COL5A3: variants seen among roughly 807,000 people sequenced by gnomAD.
COL5A3 encodes the protein collagen alpha-3(V) chain.
A neutral mutation model predicts 250.0 loss-of-function variants in COL5A3; 172 were observed. The ratio of observed to expected loss-of-function variants is 0.69; its 90% CI spans 0.61 to 0.78. The LOEUF is 0.78. COL5A3 is among the 30% of genes least tolerant of loss of function. The pLI, the probability that COL5A3 is intolerant of heterozygous loss-of-function variation, is 0.00. For synonymous variants in COL5A3, 937 were observed against 900.4 expected, an observed-to-expected ratio of 1.04 and a Z score of -0.73; for missense variants, 2,340 against 2,334.4, an observed-to-expected ratio of 1.00 and a Z score of -0.05.
chr19:9,992,745 C>A, intron 21 of COL5A3, 82 bp downstream of exon 21: 1 of 1,438,934 alleles, frequency 6.9e-7, no homozygotes, highest in Non-Finnish European at 9.7e-7. Flanking sequence ...CCACCGCACT[C>A]CAGCCTGGGC....
chr19:9,988,022 G>A (rs1177914736), intron 27 of COL5A3, among the ~76,000 whole-genome samples: 1 of 151,998 alleles, frequency 6.6e-6, no homozygotes. Flanking sequence ...ATCACCTGAG[G>A]TCAGGCGTTC....
At chr19:9,995,535 G>T in intron 16 of COL5A3, 29 bp downstream of exon 16, 3 of 1,597,566 alleles carry the variant, frequency 1.9e-6, no homozygotes, top group Middle Eastern at 1.7e-4. Flanking sequence ...ATGGATAAGG[G>T]GTGGTCTGGG....
At position 10,006,453 on chromosome 19, in the gene COL5A3, G is replaced by GT. The variant is rs35938123; in HGVS notation, c.89-223dup. On this transcript the variant is annotated intron_variant, in intron 1 of 66. Transcript: ENST00000264828. ...CCGACCTCAGCAGCTTGTTGACTCT[G>GT]TTTTTTTTTTTCCCCTTGGTTTTTG... 2.9e-3 allele frequency among the ~76,000 whole-genome samples: 434 copies of GT among 149,282 alleles called. 2 individuals are homozygous for GT. Among genetic ancestry groups the GT allele is most frequent in the South Asian group, 0.012 (58 of 4,746 alleles).
chr19:9,981,253 C>G (rs1385680480), intron 32 of COL5A3, 121 bp from the exon 33 acceptor site: 1 of 851,378 alleles, frequency 1.2e-6, no homozygotes, highest in South Asian at 1.4e-5. Context: ...TATTCACAAG[C>G]TTTTCAGTCA....
chr19:9,983,072 G>T (rs569696063), intron 31 of COL5A3, among the ~76,000 whole-genome samples: 8 of 151,996 alleles, frequency 5.3e-5, no homozygotes, highest in African/African-American at 1.9e-4. Flanking sequence ...TGTTGCCCAG[G>T]CTGGTCTTGA....
In COL5A3 at chr19:9,969,542, C is replaced by T. The variant is rs373726357; in HGVS notation, c.4098+33G>A. 36 of 1,603,974 alleles carry T rather than the reference C, an allele frequency of 2.2e-5. No homozygotes were observed. In the Middle Eastern group the frequency reaches 6.6e-4, roughly 29 times the overall value. ...GGAGCAGACAGAGAGGAGCTGGATCCACCCTGTCCCACCCCTGCCCCGCTC... is the reference window on the plus strand; with the variant it reads ...GGAGCAGACAGAGAGGAGCTGGATCTACCCTGTCCCACCCCTGCCCCGCTC... On this transcript the variant is annotated intron_variant, in intron 56 of 66. Coordinates refer to ENST00000264828, the MANE Select transcript of COL5A3 (RefSeq NM_015719.4).
chr19:9,997,222 G>A (rs969639529), intron 11 of COL5A3, 149 bp downstream of exon 11: 23 of 698,040 alleles, frequency 3.3e-5, no homozygotes, highest in Non-Finnish European at 5.7e-5. Context: ...ATAGTTCACA[G>A]ATGGGAGACA....
chr19:9,991,601 G>A lies in COL5A3; in HGVS notation c.1992+9C>T. On this transcript the variant is annotated intron_variant, in intron 24 of 66. Transcript: ENST00000264828. ...TGAGGAGGTCGCGGTAGGTGGAGCT[G>A]TCACTCACCTTCTCCCCAGGAGTGC... The A allele has an allele frequency of 6.3e-7, 1 of 1,586,460 alleles. No individual in the cohort carries two copies. Among genetic ancestry groups the A allele is most frequent in the Non-Finnish European group, 8.6e-7 (1 of 1,165,994 alleles).
rs1232815046 is a variant in COL5A3 at position 9,983,616 on chromosome 19, GAGAAAGAA to G, written c.2407-1506_2407-1499del. Among the ~76,000 whole-genome samples the G allele has an allele frequency of 2.1e-4, 25 of 116,756 alleles. 1 individual carries two copies. The East Asian group carries it at 3.3e-3, about 15-fold the overall frequency. 76.6% of individuals were successfully genotyped at this position (116,756 alleles called of 152,430 possible). A position where few individuals can be genotyped will look rare whatever the true frequency, so the allele number is the denominator to read the frequency against. On this transcript the variant is annotated intron_variant, in intron 31 of 66. Coordinates refer to ENST00000264828, the MANE Select transcript of COL5A3 (RefSeq NM_015719.4). ...AGAAAGAAAGAGAAAGAGAGAGAGA[GAGAAAGAA>G]AGAAAGAAGAGAGAGAGAGAAAGAA... is the stretch of plus-strand genomic sequence containing the variant.
chr19:9,999,014 CTT>C (rs2087313050), intron 8 of COL5A3, among the ~76,000 whole-genome samples: 1 of 137,310 alleles, frequency 7.3e-6, no homozygotes, highest in African/African-American at 2.9e-5. Flanking sequence ...TCTTTTCTTT[CTT>C]TCTTTCTTTC....
intron 32 of COL5A3, 87 bp from the exon 33 acceptor site, chr19:9,981,219 C>T (rs2087004725): frequency 4.2e-6 from 5 of 1,203,570 alleles, no homozygotes; most frequent in African/African-American, 3.0e-5. Flanking sequence ...AGTCACAGAC[C>T]CAGAAAGCTG....
Position 9,968,283 on chromosome 19 carries a change from C to G in COL5A3, c.4314+102G>C. ...ATCCCCCTATTTTCCCCACACACAC[C>G]CTCATTAATCCAGACCCACGTTTCC... is the stretch of plus-strand genomic sequence containing the variant. On this transcript the variant is annotated intron_variant, in intron 59 of 66. Transcript: ENST00000264828. The surrounding 1 kb of genome is among the most constrained non-coding windows in gnomAD (Gnocchi z 4.1). 1 of 1,089,976 alleles carries G rather than the reference C, an allele frequency of 9.2e-7. No homozygotes were observed. The highest frequency in any genetic ancestry group is 1.4e-6 in the Non-Finnish European group (1 of 733,808). The allele number at this position is 1,089,976 out of a possible 1,614,324, so 67.5% of individuals were successfully genotyped here.
chr19:9,961,799 C>T (rs1482780886), intron 65 of COL5A3, among the ~76,000 whole-genome samples: 1 of 152,058 alleles, frequency 6.6e-6, no homozygotes, highest in Non-Finnish European at 1.5e-5. Context: ...ACCTCGTGAT[C>T]CGCCCACCTT....
chr19:9,995,668 A>T, intron 15 of COL5A3, 51 bp from the exon 16 acceptor site: 1 of 1,387,614 alleles, frequency 7.2e-7, no homozygotes, highest in South Asian at 1.3e-5. Flanking sequence ...AGAAAGAGGG[A>T]CTTATTCTAT....
Position 9,979,908 on chromosome 19 carries a change from G to A in COL5A3, c.2659-16C>T, listed in dbSNP as rs145350847. The A allele has an allele frequency of 1.9e-4, 292 of 1,570,136 alleles. No homozygotes were observed. In the African/African-American group the frequency reaches 3.8e-3, roughly 20 times the overall value. ...CTTGGTGACCCTGGGGGATGAGGTG[G>A]GAAAAAGTTGGGGCACAGATACAGG... On this transcript the variant is annotated splice_polypyrimidine_tract_variant and intron_variant, in intron 36 of 66. Transcript: ENST00000264828.
rs1183023441 is a variant in COL5A3, at chr19:9,968,070, C to A, written c.4324G>T (p.Gly1442Cys). The change falls in exon 60 of 67, where the codon GGT becomes TGT. Residue 1442 changes from glycine to cysteine, a missense_variant. By Grantham distance (159) the Gly-to-Cys change is radical. This residue lies in a region of COL5A3 where 1,179 missense variants were observed against 1,162.6 expected (regional missense o/e 1.01). Coordinates refer to ENST00000264828, the MANE Select transcript of COL5A3 (RefSeq NM_015719.4). The surrounding 1 kb of genome is among the most constrained non-coding windows in gnomAD (Gnocchi z 4.1). ...PGPKGDPGPPGPIGSLGHPGP... is the reference protein window; with the variant it reads ...PGPKGDPGPPCPIGSLGHPGP... ...GGGTGGCCCAGAGAGCCAATGGGAC[C>A]AGGGGGACCCTAGGAAAAGGACATC... The A allele has an allele frequency of 1.3e-6, 2 of 1,588,528 alleles. No individual in the cohort carries two copies. The highest frequency in any genetic ancestry group is 2.2e-5 in the East Asian group (1 of 44,558).
intron 27 of COL5A3, among the ~76,000 whole-genome samples, chr19:9,987,870 G>A (rs1305008236): frequency 6.6e-6 from 1 of 152,158 alleles, no homozygotes; most frequent in African/African-American, 2.4e-5. Context: ...GGGAGTTCAA[G>A]GCTGCAGTGA....
intron 64 of COL5A3, among the ~76,000 whole-genome samples, chr19:9,965,887 G>C (rs1214479702): frequency 6.6e-6 from 1 of 152,142 alleles, no homozygotes; most frequent in Non-Finnish European, 1.5e-5. Flanking sequence ...AGGCTGGAGT[G>C]CAGTGGCACA....
At chr19:9,981,596 A>G (rs1340172158) in intron 32 of COL5A3, among the ~76,000 whole-genome samples, 2 of 152,206 alleles carry the variant, frequency 1.3e-5, no homozygotes, top group Non-Finnish European at 2.9e-5. Context: ...ACGTACATAC[A>G]ATGTTCATTA....
Sources: gnomAD v4.1 joint callset for allele counts (sites outside exome capture counted in the v4.1 genomes callset) on GRCh38, gnomAD v4.1.1 for gene constraint, gnomAD v4.1.1 regional missense constraint, Gnocchi (gnomAD v3.1) non-coding constraint, MANE v1.5 for transcripts, NCBI Gene and HGNC (gene_info 2026-07-23, HGNC 2026-07-21) for gene names.